Variants in SMC5 observed in about 807,000 individuals in gnomAD.
SMC5 encodes structural maintenance of chromosomes 5, also known as structural maintenance of chromosomes protein 5.
SMC5 carries 88 observed loss-of-function variants against 148.3 expected under a neutral mutation model. The ratio of observed to expected loss-of-function variants is 0.59; its 90% confidence interval spans 0.50 to 0.71. The LOEUF (loss-of-function observed/expected upper bound fraction) is 0.71, where lower values mean the gene tolerates loss of function less well. Ranked by LOEUF, SMC5 falls within the 30% of genes least tolerant of loss-of-function variation. SMC5 has a pLI of 0.00. For synonymous variants in SMC5, 421 were observed against 432.8 expected (o/e 0.97, Z 0.34); for missense variants, 1,142 against 1,298.9 (o/e 0.88, Z 1.86).
Position 70,282,645 on chromosome 9 carries a change from T to C in SMC5, c.981+62T>C, listed in dbSNP as rs2034782461. On this transcript the variant is annotated intron_variant, in intron 7 of 24. Transcript: ENST00000361138. ...TATTTTAGCAAATATAAAAAATATT[T>C]TGCAGGTGTTTGAAAATATTTTCAA... 3 of 1,459,022 alleles carry C rather than the reference T, an allele frequency of 2.1e-6. No individual in the cohort carries two copies. The South Asian group carries it at 4.1e-5, about 20-fold the overall frequency. The allele number at this position is 1,459,022 out of a possible 1,614,324, so 90.4% of individuals were successfully genotyped here.
At chr9:70,276,045 T>C (rs548970718) in intron 3 of SMC5, among the ~76,000 whole-genome samples, 305 of 152,354 alleles carry the variant, frequency 2.0e-3, no homozygotes, top group African/African-American at 7.1e-3. Flanking sequence ...TCTGTGTTAA[T>C]TCTTTTAAGA....
intron 11 of SMC5, among the ~76,000 whole-genome samples, chr9:70,309,930 A>G (rs772319537): frequency 2.0e-5 from 3 of 152,068 alleles, no homozygotes; most frequent in Non-Finnish European, 4.4e-5. Flanking sequence ...GCTCACTGCA[A>G]CCTCCACCTC....
intron 11 of SMC5, chr9:70,311,656 A>G (rs943789793): frequency 9.9e-5 from 15 of 151,758 alleles, no homozygotes; most frequent in Non-Finnish European, 2.1e-4. Context: ...AACTTTAATG[A>G]CACTATGTTA....
intron 13 of SMC5, among the ~76,000 whole-genome samples, chr9:70,315,904 G>A (rs541893314): frequency 2.6e-5 from 4 of 152,100 alleles, no homozygotes; most frequent in African/African-American, 7.2e-5. Flanking sequence ...TTCAAACATT[G>A]TATTAATAGT....
chr9:70,346,997 T>G, intron 19 of SMC5, 69 bp from the exon 20 acceptor site: 1 of 1,148,366 alleles, frequency 8.7e-7, no homozygotes, highest in Non-Finnish European at 1.3e-6. Context: ...CAGCAGATTA[T>G]TTTTCTTTTA....
intron 17 of SMC5, among the ~76,000 whole-genome samples, chr9:70,341,615 A>C (rs1437853329): frequency 6.6e-6 from 1 of 152,172 alleles, no homozygotes; most frequent in East Asian, 1.9e-4. Flanking sequence ...TTCACTTTTC[A>C]TAACTATTGT....
intron 24 of SMC5, 77 bp from the exon 25 acceptor site, chr9:70,352,114 G>C: frequency 7.9e-7 from 1 of 1,264,310 alleles, no homozygotes; most frequent in Non-Finnish European, 1.1e-6. Flanking sequence ...TAATACATTT[G>C]ACTGTACACA....
intron 8 of SMC5, among the ~76,000 whole-genome samples, chr9:70,293,963 G>A (rs141365662): frequency 2.2e-3 from 332 of 152,100 alleles, no homozygotes; most frequent in South Asian, 9.3e-3. Flanking sequence ...ATGGTCCTTC[G>A]TGAAAAATTA....
At chr9:70,260,603 T>A (rs1440686911) in intron 1 of SMC5, among the ~76,000 whole-genome samples, 1 of 152,238 alleles carries the variant, frequency 6.6e-6, no homozygotes, top group Non-Finnish European at 1.5e-5. Flanking sequence ...TACGCAGCTG[T>A]TACATAGTTG....
chr9:70,300,331 G>T (rs1438533970), intron 10 of SMC5, 131 bp downstream of exon 10: 2 of 733,256 alleles, frequency 2.7e-6, no homozygotes, highest in Admixed American at 3.6e-5. Context: ...GCATACTGCT[G>T]AATCTATACA....
intron 17 of SMC5, among the ~76,000 whole-genome samples, chr9:70,334,129 G>GT (rs75387148): frequency 0.16 from 21,144 of 133,906 alleles, 2,112 homozygotes; most frequent in African/African-American, 0.3. Context: ...AGTTGTTGTT[G>GT]TTTTTTTTTT....
At chr9:70,315,753 T>TAG in intron 13 of SMC5, among the ~76,000 whole-genome samples, 175 bp downstream of exon 13, 1 of 152,124 alleles carries the variant, frequency 6.6e-6, no homozygotes, top group Non-Finnish European at 1.5e-5. Flanking sequence ...CATTGACTGT[T>TAG]AACTAATACA....
intron 15 of SMC5, among the ~76,000 whole-genome samples, chr9:70,322,983 C>G (rs2035986888): frequency 6.6e-6 from 1 of 152,188 alleles, no homozygotes; most frequent in Non-Finnish European, 1.5e-5. Flanking sequence ...CCCCAACATA[C>G]TCGTCCTTGT....
rs2118573390 is a variant in SMC5 at position 70,315,334 on chromosome 9, CATT to C, written c.1674-111_1674-109del. ...AAAAGAAAAAAGACTTGTCCTGTGT[CATT>C]GTTGAAATAATGTATGTTTTACTTA... On this transcript the variant is annotated intron_variant, in intron 12 of 24. Transcript: ENST00000361138. 5 of 607,986 alleles carry C rather than the reference CATT, an allele frequency of 8.2e-6. No homozygotes were observed. In the South Asian group the frequency reaches 1.0e-4, roughly 13 times the overall value. The allele number at this position is 607,986 out of a possible 1,614,324, so 37.7% of individuals were successfully genotyped here.
chr9:70,285,841 T>G (rs559875210), intron 7 of SMC5, among the ~76,000 whole-genome samples: 2 of 152,336 alleles, frequency 1.3e-5, no homozygotes, highest in Admixed American at 6.5e-5. Context: ...TTTTTATAAT[T>G]AGTTTCCATT....
chr9:70,325,675 A>G (rs1017024222), intron 17 of SMC5, among the ~76,000 whole-genome samples: 3 of 152,200 alleles, frequency 2.0e-5, no homozygotes, highest in Admixed American at 1.3e-4. Context: ...AAGTCTGACA[A>G]TGTAACTAAA....
intron 10 of SMC5, among the ~76,000 whole-genome samples, chr9:70,303,686 C>T (rs1485557618): frequency 6.6e-6 from 1 of 152,094 alleles, no homozygotes; most frequent in Non-Finnish European, 1.5e-5. Context: ...TTACTATGTC[C>T]ATCTTACAGA....
At chr9:70,294,219 T>C (rs373033444) in intron 8 of SMC5, among the ~76,000 whole-genome samples, 27 of 152,252 alleles carry the variant, frequency 1.8e-4, no homozygotes, top group African/African-American at 6.3e-4. Flanking sequence ...CAATAAAGGA[T>C]TGAATGAGCA....
chr9:70,310,591 A>T (rs1003477962), intron 11 of SMC5, among the ~76,000 whole-genome samples: 4 of 152,228 alleles, frequency 2.6e-5, no homozygotes, highest in African/African-American at 9.6e-5. Context: ...ATTGGCTTCA[A>T]CTTAAAAGTC....
Sources: gnomAD v4.1 joint callset for allele counts (sites outside exome capture counted in the v4.1 genomes callset) on GRCh38, gnomAD v4.1.1 for gene constraint, MANE v1.5 for transcripts, NCBI Gene and HGNC (gene_info 2026-07-23, HGNC 2026-07-21) for gene names.